Variants in TMTC2 observed in about 807,000 individuals in gnomAD.
The protein encoded by TMTC2 is protein O-mannosyl-transferase TMTC2.
In TMTC2, 43 loss-of-function variants were observed where a neutral mutation model predicts 82.4. The observed-to-expected ratio is 0.52, with a 90% CI of 0.41 to 0.67. The LOEUF is 0.67. Ranked by LOEUF, TMTC2 falls within the 30% of genes least tolerant of loss-of-function variation. The pLI is 0.00. For synonymous variants in TMTC2, 408 were observed against 381.9 expected, an observed-to-expected ratio of 1.07 and a Z score of -0.80; for missense variants, 919 against 1,012.4, an observed-to-expected ratio of 0.91 and a Z score of 1.25.
intron 7 of TMTC2, among the ~76,000 whole-genome samples, chr12:82,971,990 T>C (rs1474350961): frequency 6.6e-6 from 1 of 152,176 alleles, no homozygotes; most frequent in African/African-American, 2.4e-5. Context: ...AATGGAATAC[T>C]ATTACTCTAA....
In TMTC2 at chr12:82,812,375, G is replaced by A. The variant is rs527331791; in HGVS notation, c.84-44635G>A. ...AAAAAAGAATCCCATAAGAAGTAAG[G>A]AGTTTATTTTAAAGTAATGGCCCAA... On this transcript the variant is annotated intron_variant, in intron 1 of 11. Transcript: ENST00000321196. Among the ~76,000 whole-genome samples the A allele has an allele frequency of 3.9e-5, 6 of 152,098 alleles. No individual in the cohort carries two copies. The South Asian group carries it at 1.0e-3, about 26-fold the overall frequency.
At chr12:82,971,924 C>T (rs906931525) in intron 7 of TMTC2, among the ~76,000 whole-genome samples, 2 of 152,014 alleles carry the variant, frequency 1.3e-5, no homozygotes, top group African/African-American at 4.8e-5. Context: ...GGAGATTTCA[C>T]AGTTGGTCCA....
intron 1 of TMTC2, among the ~76,000 whole-genome samples, chr12:82,733,392 C>T (rs1273935411): frequency 1.3e-5 from 2 of 152,194 alleles, no homozygotes; most frequent in Admixed American, 6.5e-5. Flanking sequence ...AACATGCACA[C>T]TAGCTCCTTT....
At chr12:82,701,683 C>A (rs1051800117) in intron 1 of TMTC2, among the ~76,000 whole-genome samples, 1 of 150,408 alleles carries the variant, frequency 6.6e-6, no homozygotes, top group African/African-American at 2.4e-5. Flanking sequence ...ATCCCTTGAA[C>A]CTGGGAGGCA....
At chr12:83,118,004 G>T (rs1884823227) in intron 11 of TMTC2, among the ~76,000 whole-genome samples, 2 of 152,006 alleles carry the variant, frequency 1.3e-5, no homozygotes, top group African/African-American at 2.4e-5. Flanking sequence ...CTACTGATTT[G>T]TGTACATTAA....
At chr12:82,938,956 A>G (rs1013746933) in intron 4 of TMTC2, among the ~76,000 whole-genome samples, 6 of 152,284 alleles carry the variant, frequency 3.9e-5, no homozygotes, top group Non-Finnish European at 7.3e-5. Flanking sequence ...CCCTGCATAT[A>G]TGAATCATTA....
chr12:82,968,225 CT>C (rs1238132824), intron 7 of TMTC2, among the ~76,000 whole-genome samples: 2 of 152,040 alleles, frequency 1.3e-5, no homozygotes, highest in Admixed American at 1.3e-4. Context: ...TTAATTGTCA[CT>C]TTTTTCCTCT....
At chr12:82,737,031 G>A (rs1395683253) in intron 1 of TMTC2, among the ~76,000 whole-genome samples, 1 of 152,014 alleles carries the variant, frequency 6.6e-6, no homozygotes, top group African/African-American at 2.4e-5. Context: ...ATTTATGACC[G>A]GTAAAATAAA....
intron 1 of TMTC2, among the ~76,000 whole-genome samples, chr12:82,708,440 T>G (rs149601528): frequency 1.3e-3 from 192 of 152,304 alleles, no homozygotes; most frequent in African/African-American, 4.5e-3. Flanking sequence ...TTGCAGAACT[T>G]GGCAAGCATG....
intron 11 of TMTC2, among the ~76,000 whole-genome samples, chr12:83,098,917 G>C (rs1592745344): frequency 6.6e-6 from 1 of 152,228 alleles, no homozygotes; most frequent in South Asian, 2.1e-4. Flanking sequence ...TACCATCTCT[G>C]TGTACTTCTG....
At chr12:83,047,673 A>C (rs1882193114) in intron 9 of TMTC2, among the ~76,000 whole-genome samples, 1 of 152,188 alleles carries the variant, frequency 6.6e-6, no homozygotes, top group Non-Finnish European at 1.5e-5. Flanking sequence ...TGAATTTTGC[A>C]GTTATAAAAT....
chr12:82,901,811 T>C (rs746030714), intron 3 of TMTC2, among the ~76,000 whole-genome samples: 8 of 152,160 alleles, frequency 5.3e-5, no homozygotes, highest in Non-Finnish European at 1.0e-4. Context: ...GGTGGCCTTG[T>C]TTTTGGTCTT....
At position 83,080,383 on chromosome 12, in the gene TMTC2, C is replaced by CTG. The variant is rs1223095008; in HGVS notation, c.2331+18553_2331+18554insGT. On this transcript the variant is annotated intron_variant, in intron 11 of 11. Transcript: ENST00000321196. Reference sequence around the variant, plus strand: ...TTCACCTTTCTCTCTCTCTCTCTCTCTCTGTGTGTGTGTGTGTAATGAATG... The same window carrying CTG: ...TTCACCTTTCTCTCTCTCTCTCTCTCTGTCTGTGTGTGTGTGTGTAATGAATG... Among the ~76,000 whole-genome samples the CTG allele has an allele frequency of 1.7e-3, 253 of 151,878 alleles. 1 individual carries two copies. Among genetic ancestry groups the CTG allele is most frequent in the African/African-American group, 5.5e-3 (229 of 41,460 alleles).
intron 1 of TMTC2, among the ~76,000 whole-genome samples, chr12:82,808,916 T>C (rs1879364374): frequency 6.6e-6 from 1 of 151,724 alleles, no homozygotes; most frequent in Non-Finnish European, 1.5e-5. Flanking sequence ...AAATTACAGT[T>C]AAATTCTTAT....
At chr12:82,856,470 G>A (rs1871263251) in intron 1 of TMTC2, among the ~76,000 whole-genome samples, 2 of 152,128 alleles carry the variant, frequency 1.3e-5, no homozygotes. Flanking sequence ...CTGGAATGTG[G>A]ACTCTCTCTC....
intron 8 of TMTC2, among the ~76,000 whole-genome samples, chr12:83,028,453 A>C (rs1881272588): frequency 6.6e-6 from 1 of 151,910 alleles, no homozygotes; most frequent in Non-Finnish European, 1.5e-5. Context: ...TGATCAACTT[A>C]CTCTGGTGTC....
At chr12:82,932,924 A>G (rs564410509) in intron 4 of TMTC2, among the ~76,000 whole-genome samples, 30 of 152,200 alleles carry the variant, frequency 2.0e-4, no homozygotes, top group Non-Finnish European at 4.1e-4. Context: ...CTTGACATGT[A>G]ATTTTAAAAT....
At chr12:82,870,817 C>G (rs753688367) in intron 2 of TMTC2, among the ~76,000 whole-genome samples, 13 of 152,206 alleles carry the variant, frequency 8.5e-5, no homozygotes, top group African/African-American at 3.1e-4. Context: ...GGTAAAATAG[C>G]AAGAAAGGAG....
At chr12:82,782,869 C>A (rs529943378) in intron 1 of TMTC2, among the ~76,000 whole-genome samples, 130 of 152,136 alleles carry the variant, frequency 8.5e-4, no homozygotes, top group African/African-American at 2.9e-3. Flanking sequence ...ACATTTATTG[C>A]AATGAAATTA....
Sources: gnomAD v4.1 joint callset for allele counts (sites outside exome capture counted in the v4.1 genomes callset) on GRCh38, gnomAD v4.1.1 for gene constraint, MANE v1.5 for transcripts, NCBI Gene and HGNC (gene_info 2026-07-23, HGNC 2026-07-21) for gene names.